MSN: variants seen among roughly 807,000 people sequenced by gnomAD.
MSN encodes epididymis luminal protein 70.
Under a neutral mutation model 48.0 loss-of-function variants are expected in MSN, and 2 were observed. That is an observed-to-expected ratio of 0.04 (90% CI 0.02 to 0.13). MSN has a LOEUF of 0.13. Ranked by LOEUF, MSN falls within the 10% of genes least tolerant of loss-of-function variation. The pLI is 1.00. For missense variants in MSN, 267 were observed against 470.1 expected (o/e 0.57, Z 3.99); for synonymous variants, 146 against 166.9 (o/e 0.87, Z 0.97).
chrX:65,594,205 G>GA (rs1417384081), intron 1 of MSN, among the ~76,000 whole-genome samples: 1 of 111,876 alleles, frequency 8.9e-6, no homozygotes, highest in Non-Finnish European at 1.9e-5. Context: ...TTAGAGTTGG[G>GA]AAAAAATGAA....
At chrX:65,715,717 G>A (rs150389534) in intron 1 of MSN, among the ~76,000 whole-genome samples, 1,515 of 111,625 alleles carry the variant, frequency 0.014, 38 homozygotes, top group African/African-American at 0.046. Context: ...AGATTAAGGA[G>A]CTTTTGGGCC....
At chrX:65,621,483 C>T (rs1333293347) in intron 1 of MSN, among the ~76,000 whole-genome samples, 1 of 111,760 alleles carries the variant, frequency 8.9e-6, no homozygotes, top group African/African-American at 3.3e-5. Flanking sequence ...ATACTTATGC[C>T]AGTACTGCAC....
chrX:65,589,351 G>T (rs1286909700), intron 1 of MSN, among the ~76,000 whole-genome samples: 2 of 111,692 alleles, frequency 1.8e-5, no homozygotes, highest in African/African-American at 6.5e-5. Context: ...AGAGCCACCA[G>T]GTGCCTCCCA....
intron 1 of MSN, among the ~76,000 whole-genome samples, chrX:65,609,658 C>T (rs770147540): frequency 1.1e-4 from 12 of 111,241 alleles, no homozygotes; most frequent in Admixed American, 4.8e-4. Flanking sequence ...CCAAGGTGGG[C>T]GGATAATGAG....
chrX:65,624,827 G>C (rs760910592), intron 1 of MSN: 4 of 94,146 alleles, frequency 4.2e-5, no homozygotes, highest in Non-Finnish European at 8.7e-5. Flanking sequence ...AAAGAAAGAA[G>C]AAAAAAGAAA....
intron 8 of MSN, 84 bp downstream of exon 8, chrX:65,735,514 G>A: frequency 3.9e-6 from 4 of 1,016,860 alleles, no homozygotes; most frequent in Non-Finnish European, 5.3e-6. Context: ...GTCAGGACAT[G>A]AGGCCAACCT....
intron 1 of MSN, among the ~76,000 whole-genome samples, chrX:65,652,788 G>A (rs978608406): frequency 6.3e-5 from 7 of 111,761 alleles, no homozygotes; most frequent in Admixed American, 5.7e-4. Context: ...CACTTCCCTT[G>A]GCCGTAGTTT....
chrX:65,655,024 C>A (rs1452485494), intron 1 of MSN, among the ~76,000 whole-genome samples: 1 of 111,073 alleles, frequency 9.0e-6, no homozygotes, highest in African/African-American at 3.3e-5. Context: ...AGGTTGTGAG[C>A]CCTGTAAGGG....
In MSN at chrX:65,669,973, A is replaced by G. The variant is rs191464543; in HGVS notation, c.12+2120A>G. 1.5e-3 allele frequency among the ~76,000 whole-genome samples: 163 copies of G among 111,839 alleles called. 2 individuals are homozygous for G. The Middle Eastern group carries it at 0.046, about 31-fold the overall frequency. ...CTCATTGACCCTTTATTCTGACCCAATGATTGAGTTCTTGACATTTGAGTT... is the reference window on the plus strand; with the variant it reads ...CTCATTGACCCTTTATTCTGACCCAGTGATTGAGTTCTTGACATTTGAGTT... On this transcript the variant is annotated intron_variant, in intron 1 of 12. Coordinates refer to ENST00000360270, the MANE Select transcript of MSN (RefSeq NM_002444.3).
intron 1 of MSN, among the ~76,000 whole-genome samples, chrX:65,623,736 C>T (rs931725182): frequency 3.7e-5 from 4 of 107,967 alleles, no homozygotes; most frequent in Non-Finnish European, 5.7e-5. Context: ...AACTGGAACC[C>T]GGGAGGCGGA....
chrX:65,612,601 C>G (rs1163349707), intron 1 of MSN, among the ~76,000 whole-genome samples: 1 of 108,857 alleles, frequency 9.2e-6, no homozygotes. Context: ...CGCTCTGTCA[C>G]CCAAGCTGGA....
intron 5 of MSN, 124 bp downstream of exon 5, chrX:65,731,314 G>A (rs772769402): frequency 3.0e-4 from 172 of 568,191 alleles, no homozygotes; most frequent in Non-Finnish European, 4.3e-4. Context: ...GAACAGGGAC[G>A]ATAGAAGGCA....
chrX:65,671,562 C>T (rs952346668), intron 1 of MSN, among the ~76,000 whole-genome samples: 5 of 111,746 alleles, frequency 4.5e-5, no homozygotes, highest in Non-Finnish European at 9.4e-5. Flanking sequence ...TGAACCAGCC[C>T]TGCCTACAGA....
intron 1 of MSN, among the ~76,000 whole-genome samples, chrX:65,638,069 TTGTC>T (rs1389760289): frequency 2.7e-5 from 3 of 112,494 alleles, no homozygotes; most frequent in Non-Finnish European, 5.6e-5. Context: ...AGATCATGGA[TTGTC>T]AATAAAAATA....
chrX:65,716,808 C>A lies in MSN; in HGVS notation c.13-10C>A, dbSNP rs375650978. On this transcript the variant is annotated splice_polypyrimidine_tract_variant and intron_variant, in intron 1 of 12. Transcript: ENST00000360270. ...AGATGACTAACCTGCTTCCTTTGAT[C>A]TCATCCTAGATCAGTGTGCGTGTGA... 2.5e-6 allele frequency: 3 copies of A among 1,205,069 alleles called. No individual in the cohort carries two copies. The African/African-American group carries it at 5.3e-5, about 21-fold the overall frequency.
intron 1 of MSN, among the ~76,000 whole-genome samples, chrX:65,610,481 G>A (rs773463123): frequency 1.4e-4 from 16 of 112,090 alleles, no homozygotes; most frequent in East Asian, 2.8e-4. Context: ...TGTATATACC[G>A]TATTTTATTT....
At chrX:65,628,022 T>C (rs2070522231) in intron 1 of MSN, among the ~76,000 whole-genome samples, 1 of 112,730 alleles carries the variant, frequency 8.9e-6, no homozygotes, top group Non-Finnish European at 1.9e-5. Flanking sequence ...ATGCAAGAGA[T>C]GGGTTCCCAT....
chrX:65,648,625 C>T (rs761339364), intron 1 of MSN, among the ~76,000 whole-genome samples: 53 of 111,307 alleles, frequency 4.8e-4, no homozygotes, highest in Non-Finnish European at 7.5e-5. Flanking sequence ...GTAATCCCAG[C>T]ACTTTGGGAG....
At chrX:65,666,163 C>T (rs775477237), upstream of MSN, among the ~76,000 whole-genome samples, 260 of 108,616 alleles carry the variant, frequency 2.4e-3, 1 homozygote, top group Middle Eastern at 4.7e-3. Flanking sequence ...CCATCACACC[C>T]GGCTAATTTT....
Sources: allele counts gnomAD v4.1 joint callset (sites outside exome capture counted in the v4.1 genomes callset), GRCh38; gene constraint gnomAD v4.1.1; transcripts MANE v1.5; gene names NCBI Gene and HGNC (gene_info 2026-07-23, HGNC 2026-07-21).